The following KIAA1328 variants were observed in gnomAD, a reference collection of about 807,000 sequenced individuals.
KIAA1328 encodes the protein protein hinderin.
KIAA1328 carries 52 observed loss-of-function variants against 68.1 expected under a neutral mutation model. That is an observed-to-expected ratio of 0.76 (90% CI 0.61 to 0.96). The LOEUF (loss-of-function observed/expected upper bound fraction) is 0.96. Ranked by LOEUF, KIAA1328 falls within the 40% of genes least tolerant of loss-of-function variation. KIAA1328 has a pLI of 0.00. For missense variants in KIAA1328, 641 were observed against 677.6 expected (o/e 0.95, Z 0.60); for synonymous variants, 232 against 239.4 (o/e 0.97, Z 0.28).
At chr18:36,922,462 A>C (rs1357264390) in intron 5 of KIAA1328, among the ~76,000 whole-genome samples, 2 of 152,192 alleles carry the variant, frequency 1.3e-5, no homozygotes, top group Non-Finnish European at 2.9e-5. Flanking sequence ...TTCCCACATC[A>C]TCATGGGAAA....
chr18:37,121,547 G>A (rs1227291518), intron 7 of KIAA1328, among the ~76,000 whole-genome samples: 1 of 152,020 alleles, frequency 6.6e-6, no homozygotes, highest in Non-Finnish European at 1.5e-5. Flanking sequence ...GAATCACGAT[G>A]TGACTGTATA....
chr18:36,996,369 G>A (rs2053392159), intron 6 of KIAA1328, among the ~76,000 whole-genome samples: 1 of 152,120 alleles, frequency 6.6e-6, no homozygotes, highest in African/African-American at 2.4e-5. Context: ...CTTGCTGAAA[G>A]TCAGTTACTA....
chr18:37,006,580 G>T (rs954913740), intron 6 of KIAA1328, among the ~76,000 whole-genome samples: 5 of 151,728 alleles, frequency 3.3e-5, no homozygotes, highest in Non-Finnish European at 5.9e-5. Flanking sequence ...CAATGTGCAG[G>T]TTTGTTACAT....
intron 9 of KIAA1328, among the ~76,000 whole-genome samples, chr18:37,202,915 T>C (rs1171197106): frequency 6.6e-6 from 1 of 152,112 alleles, no homozygotes; most frequent in East Asian, 1.9e-4. Flanking sequence ...GATTATTCAT[T>C]TAGCCAAAGC....
intron 7 of KIAA1328, among the ~76,000 whole-genome samples, chr18:37,078,413 G>A (rs2056826741): frequency 6.6e-6 from 1 of 151,926 alleles, no homozygotes; most frequent in Non-Finnish European, 1.5e-5. Flanking sequence ...CAGGACATAG[G>A]CATGGGCAAG....
intron 7 of KIAA1328, among the ~76,000 whole-genome samples, chr18:37,147,975 A>C (rs2058941820): frequency 6.6e-6 from 1 of 151,674 alleles, no homozygotes; most frequent in Non-Finnish European, 1.5e-5. Context: ...TTTTTTCTTT[A>C]TATTTTTATT....
intron 7 of KIAA1328, among the ~76,000 whole-genome samples, chr18:37,121,069 T>C (rs1255626758): frequency 6.6e-6 from 1 of 152,010 alleles, no homozygotes; most frequent in Non-Finnish European, 1.5e-5. Flanking sequence ...ATGAAAAGAA[T>C]AAAAACCAAA....
At chr18:36,949,100 G>C (rs2051034871) in intron 5 of KIAA1328, among the ~76,000 whole-genome samples, 1 of 152,186 alleles carries the variant, frequency 6.6e-6, no homozygotes, top group South Asian at 2.1e-4. Flanking sequence ...TCTTGGGGGA[G>C]AGGTATGATG....
At chr18:37,085,553 G>T (rs563763524) in intron 7 of KIAA1328, among the ~76,000 whole-genome samples, 1 of 152,234 alleles carries the variant, frequency 6.6e-6, no homozygotes, top group South Asian at 2.1e-4. Context: ...ACGAGTCCTT[G>T]AAAGTCCTAT....
chr18:36,845,043 C>T (rs1230908569), intron 4 of KIAA1328, among the ~76,000 whole-genome samples: 3 of 151,490 alleles, frequency 2.0e-5, no homozygotes, highest in Admixed American at 6.6e-5. Context: ...TGTGTTGAAG[C>T]CTTAAAGTAA....
intron 6 of KIAA1328, among the ~76,000 whole-genome samples, chr18:36,980,326 T>G (rs2052633253): frequency 6.6e-6 from 1 of 152,142 alleles, no homozygotes; most frequent in African/African-American, 2.4e-5. Context: ...ATGCTGCAGG[T>G]GAAGACCTAG....
intron 7 of KIAA1328, among the ~76,000 whole-genome samples, chr18:37,153,201 G>A (rs762021898): frequency 5.9e-5 from 9 of 152,086 alleles, no homozygotes; most frequent in South Asian, 2.1e-4. Context: ...ATTTAACCAC[G>A]GAACCAGAAT....
rs568848548 is a variant in KIAA1328, at chr18:37,130,616, C to CA, written c.1233-29574dup. Among the ~76,000 whole-genome samples, 1,083 of 139,334 alleles carry CA rather than the reference C, an allele frequency of 7.8e-3. 10 individuals carry two copies. The highest frequency in any genetic ancestry group is 0.013 in the Non-Finnish European group (832 of 64,252). The allele number at this position is 139,334 out of a possible 152,430, so 91.4% of individuals were successfully genotyped here. Reference sequence around the variant, plus strand: ...CTGGAGACAGAGTGAGACTCCGTCTCAAAAAAAAAAGAAAAAAGAAATGTT... The same window carrying CA: ...CTGGAGACAGAGTGAGACTCCGTCTCAAAAAAAAAAAGAAAAAAGAAATGTT... On this transcript the variant is annotated intron_variant, in intron 7 of 9. Coordinates refer to ENST00000280020, the MANE Select transcript of KIAA1328 (RefSeq NM_020776.3).
intron 6 of KIAA1328, among the ~76,000 whole-genome samples, chr18:37,010,667 A>T (rs137999192): frequency 6.6e-6 from 1 of 152,192 alleles, no homozygotes; most frequent in African/African-American, 2.4e-5. Context: ...CATTGTCTGT[A>T]CTGTGGAAGA....
At chr18:37,127,653 C>A (rs990211718) in intron 7 of KIAA1328, among the ~76,000 whole-genome samples, 2 of 152,166 alleles carry the variant, frequency 1.3e-5, no homozygotes, top group African/African-American at 2.4e-5. Context: ...GATGTCAATT[C>A]TCTAACAAAT....
rs1598729045 is a variant in KIAA1328, at chr18:36,924,888, G to C, written c.449-34420G>C. On this transcript the variant is annotated intron_variant, in intron 5 of 9. Coordinates refer to ENST00000280020, the MANE Select transcript of KIAA1328 (RefSeq NM_020776.3). ...GAGAAGTCATATAAAAGAACCATAA[G>C]CATATATTGGATTTGTTGAACAGGA... The C allele has an allele frequency of 2.6e-5, 4 of 152,222 alleles. No individual in the cohort carries two copies. The East Asian group carries it at 7.7e-4, about 29-fold the overall frequency. 9.4% of individuals were successfully genotyped at this position (152,222 alleles called of 1,614,324 possible). A position where few individuals can be genotyped will look rare whatever the true frequency, so the allele number is the denominator to read the frequency against.
intron 5 of KIAA1328, among the ~76,000 whole-genome samples, chr18:36,958,427 T>C (rs1373875450): frequency 1.3e-5 from 2 of 152,210 alleles, no homozygotes; most frequent in African/African-American, 4.8e-5. Flanking sequence ...AGCTAACTTA[T>C]TTTCCAAAGT....
At chr18:37,118,099 A>G (rs970700800) in intron 7 of KIAA1328, among the ~76,000 whole-genome samples, 3 of 151,244 alleles carry the variant, frequency 2.0e-5, no homozygotes, top group East Asian at 1.9e-4. Context: ...GGCCCTAGCA[A>G]TCCTCCCACG....
intron 6 of KIAA1328, among the ~76,000 whole-genome samples, chr18:37,005,536 A>G (rs764757247): frequency 6.6e-6 from 1 of 152,146 alleles, no homozygotes; most frequent in Non-Finnish European, 1.5e-5. Context: ...TAAGGAAAAT[A>G]GTATGGTGAT....
Sources: allele counts gnomAD v4.1 joint callset (sites outside exome capture counted in the v4.1 genomes callset), GRCh38; gene constraint gnomAD v4.1.1; transcripts MANE v1.5; gene names NCBI Gene and HGNC (gene_info 2026-07-23, HGNC 2026-07-21).